EML2: variants seen among roughly 807,000 people sequenced by gnomAD.
EML2 encodes echinoderm microtubule-associated protein-like 2.
In EML2, 59 loss-of-function variants were observed where a neutral mutation model predicts 84.7. That is an observed-to-expected ratio of 0.70 (90% CI 0.56 to 0.86). The LOEUF (loss-of-function observed/expected upper bound fraction) is 0.86. EML2 is among the 40% of genes least tolerant of loss of function. EML2 has a pLI of 0.00. For missense variants in EML2, 818 were observed against 855.6 expected (o/e 0.96, Z 0.55); for synonymous variants, 352 against 348.9 (o/e 1.01, Z -0.10).
At chr19:45,641,903 G>A (rs1029389829), upstream of EML2, 7 of 1,447,044 alleles carry the variant, frequency 4.8e-6, no homozygotes, top group Non-Finnish European at 5.4e-6. Context: ...TGGGGGTCCC[G>A]GCCTTGTGCC....
upstream of EML2, chr19:45,645,357 C>T: frequency 6.5e-7 from 1 of 1,528,966 alleles, no homozygotes; most frequent in Non-Finnish European, 8.7e-7. Flanking sequence ...CCACAGCCAC[C>T]GCCGGCCCCC....
chr19:45,611,591 T>A (rs1970504927), intron 18 of EML2, among the ~76,000 whole-genome samples: 1 of 151,800 alleles, frequency 6.6e-6, no homozygotes, highest in African/African-American at 2.4e-5. Flanking sequence ...GTTCAAGTGA[T>A]CCTCCTGCCT....
intron 16 of EML2, 94 bp downstream of exon 16, chr19:45,615,708 G>T: frequency 9.1e-7 from 1 of 1,101,038 alleles, no homozygotes; most frequent in Non-Finnish European, 1.4e-6. Flanking sequence ...TACCAAGGGA[G>T]CGAGGCTTGA....
At chr19:45,615,564 T>A (rs1246572431) in intron 16 of EML2, among the ~76,000 whole-genome samples, 1 of 146,102 alleles carries the variant, frequency 6.8e-6, no homozygotes, top group Non-Finnish European at 1.5e-5. Flanking sequence ...ATTAAAAATT[T>A]AAAAATGTAA....
upstream of EML2, chr19:45,641,769 G>T: frequency 2.6e-6 from 4 of 1,535,728 alleles, no homozygotes; most frequent in South Asian, 2.4e-5. Context: ...GCACACAGGT[G>T]GGGGCAGAGC....
chr19:45,634,588 G>A, intron 3 of EML2, 117 bp from the exon 4 acceptor site: 1 of 716,854 alleles, frequency 1.4e-6, no homozygotes. Flanking sequence ...TTGAGATGGA[G>A]TCTCACTCTG....
At chr19:45,612,782 A>G (rs1262012455) in intron 18 of EML2, among the ~76,000 whole-genome samples, 1 of 152,214 alleles carries the variant, frequency 6.6e-6, no homozygotes, top group East Asian at 1.9e-4. Context: ...GTACAGGAGG[A>G]GTCACTGTAC....
At chr19:45,629,781 G>C (rs1401950785) in intron 7 of EML2, among the ~76,000 whole-genome samples, 170 bp downstream of exon 7, 1 of 151,956 alleles carries the variant, frequency 6.6e-6, no homozygotes, top group Non-Finnish European at 1.5e-5. Context: ...TATTACAGAT[G>C]AGACCACCAA....
At position 45,619,210 on chromosome 19, in the gene EML2, AG is replaced by A; in HGVS notation, c.1123-20del. ...CATGGCCCTGGTGGAAAGGGAGGAC[AG>A]CAGGATGGAGACAGCAGCCCTGGCC... On this transcript the variant is annotated intron_variant, in intron 11 of 18. Transcript: ENST00000245925. The A allele has an allele frequency of 1.9e-6, 3 of 1,605,184 alleles. No homozygotes were observed. Among genetic ancestry groups the A allele is most frequent in the Non-Finnish European group, 1.7e-6 (2 of 1,175,912 alleles).
At chr19:45,644,003 T>C (rs1974838188), upstream of EML2, among the ~76,000 whole-genome samples, 1 of 152,152 alleles carries the variant, frequency 6.6e-6, no homozygotes, top group Non-Finnish European at 1.5e-5. Context: ...ACTCAGCCCG[T>C]AGGTGGGGGC....
Position 45,609,513 on chromosome 19 carries a change from A to G in EML2, c.*150T>C, listed in dbSNP as rs899213219. The G allele has an allele frequency of 1.2e-6, 1 of 859,626 alleles. No individual in the cohort carries two copies. The highest frequency in any genetic ancestry group is 1.6e-6 in the Non-Finnish European group (1 of 627,906). 53.2% of individuals were successfully genotyped at this position (859,626 alleles called of 1,614,324 possible). A position where few individuals can be genotyped will look rare whatever the true frequency, so the allele number is the denominator to read the frequency against. On this transcript the variant is annotated 3_prime_UTR_variant, in exon 19 of 19. Transcript: ENST00000245925. ...TGTGACTCCCTCTTCCCACCCGGAT[A>G]AATAGAGACTTCTGTATGTCAGTCT... is the stretch of plus-strand genomic sequence containing the variant.
At chr19:45,641,598 C>G (rs1017219142), upstream of EML2, 1 of 1,522,798 alleles carries the variant, frequency 6.6e-7, no homozygotes, top group Non-Finnish European at 8.8e-7. Context: ...CGACCATTTC[C>G]TCCCTATCTC....
At chr19:45,629,841 T>A (rs1600168552) in intron 7 of EML2, 110 bp downstream of exon 7, 1 of 849,062 alleles carries the variant, frequency 1.2e-6, no homozygotes, top group African/African-American at 1.7e-5. Context: ...CAGCAAGGAG[T>A]AAAGCCAGGG....
At chr19:45,613,375 C>T (rs1457637405) in intron 18 of EML2, among the ~76,000 whole-genome samples, 166 bp downstream of exon 18, 1 of 152,136 alleles carries the variant, frequency 6.6e-6, no homozygotes, top group African/African-American at 2.4e-5. Flanking sequence ...GAAATTCATC[C>T]ACCTTGGGGT....
upstream of EML2, chr19:45,642,977 T>G (rs899890684): frequency 1.6e-5 from 2 of 125,204 alleles, no homozygotes; most frequent in Non-Finnish European, 3.2e-5. Context: ...AAAGCGAGAC[T>G]CCGTCTCAAA....
chr19:45,614,251 TGA>T (rs544149557), intron 17 of EML2, among the ~76,000 whole-genome samples: 136 of 152,266 alleles, frequency 8.9e-4, no homozygotes, highest in African/African-American at 3.0e-3. Context: ...CCCACTGGAC[TGA>T]GAGCCACAGG....
intron 3 of EML2, among the ~76,000 whole-genome samples, chr19:45,636,423 T>C (rs1290879867): frequency 6.6e-6 from 1 of 152,094 alleles, no homozygotes; most frequent in Non-Finnish European, 1.5e-5. Flanking sequence ...GTTTTTTTTG[T>C]TTGTTTGTTT....
chr19:45,616,662 C>T lies in EML2; in HGVS notation c.1411+103G>A. 4 of 1,372,800 alleles carry T rather than the reference C, an allele frequency of 2.9e-6. No homozygotes were observed. In the South Asian group the frequency reaches 4.8e-5, roughly 16 times the overall value. The allele number at this position is 1,372,800 out of a possible 1,614,324, so 85.0% of individuals were successfully genotyped here. On this transcript the variant is annotated intron_variant, in intron 14 of 18. Transcript: ENST00000245925. Reference sequence around the variant, plus strand: ...TCCCCAGCTCCATCCCCACTGCATCCCTCCTAGGCCTCGCTTCGCAGGCTC... The same window carrying T: ...TCCCCAGCTCCATCCCCACTGCATCTCTCCTAGGCCTCGCTTCGCAGGCTC...
Position 45,633,110 on chromosome 19 carries a change from A to G in EML2, c.359T>C (p.Ile120Thr). ...GGTTCCCGCCACCTGTCCCGTGGCGATGGTGACCATATCTGGGTGGATGGC... is the reference window on the plus strand; with the variant it reads ...GGTTCCCGCCACCTGTCCCGTGGCGGTGGTGACCATATCTGGGTGGATGGC... The part of the protein sequence containing the change: ...CLAIHPDMVT[I>T]ATGQVAGTTK... The change falls in exon 5 of 19, where the codon ATC becomes ACC. Residue 120 changes from isoleucine to threonine, a missense_variant. Physicochemically the swap from Ile to Thr is moderately conservative, Grantham distance 89 (BLOSUM62 -1). Coordinates refer to ENST00000245925, the MANE Select transcript of EML2 (RefSeq NM_012155.4). The G allele has an allele frequency of 6.2e-7, 1 of 1,602,918 alleles. No individual in the cohort carries two copies. The highest frequency in any genetic ancestry group is 8.5e-7 in the Non-Finnish European group (1 of 1,175,206).
Sources: gnomAD v4.1 joint callset for allele counts (sites outside exome capture counted in the v4.1 genomes callset) on GRCh38, gnomAD v4.1.1 for gene constraint, MANE v1.5 for transcripts, NCBI Gene and HGNC (gene_info 2026-07-23, HGNC 2026-07-21) for gene names.